GPC5: variants seen among roughly 807,000 people sequenced by gnomAD.
The protein encoded by GPC5 is glypican 5, also known as glypican-5.
Under a neutral mutation model 53.9 loss-of-function variants are expected in GPC5, and 47 were observed. The ratio of observed to expected loss-of-function variants is 0.87; its 90% confidence interval spans 0.69 to 1.11. GPC5 has a LOEUF of 1.11. Among genes scored for constraint, GPC5 ranks in the 50% most tolerant of loss-of-function variants. The pLI is 0.00. For synonymous variants in GPC5, 286 were observed against 263.3 expected (o/e 1.09, Z -0.84); for missense variants, 748 against 713.1 (o/e 1.05, Z -0.56).
chr13:92,473,969 A>G (rs1034434559), intron 7 of GPC5, among the ~76,000 whole-genome samples: 1 of 152,162 alleles, frequency 6.6e-6, no homozygotes, highest in Non-Finnish European at 1.5e-5. Flanking sequence ...TTGAAGCAAT[A>G]TCAGGAGATC....
chr13:92,523,043 T>C (rs9516087), intron 7 of GPC5, among the ~76,000 whole-genome samples: 86,818 of 151,930 alleles, frequency 0.57, 25,484 homozygotes, highest in East Asian at 0.75. Flanking sequence ...ATTACGACAA[T>C]AATTTGTGGC....
At chr13:92,173,100 C>A (rs965861641) in intron 7 of GPC5, among the ~76,000 whole-genome samples, 2 of 151,404 alleles carry the variant, frequency 1.3e-5, no homozygotes, top group African/African-American at 4.9e-5. Context: ...TAAGACCAGT[C>A]CAAAGGGGAA....
At chr13:92,542,001 G>T (rs1881945153) in intron 7 of GPC5, among the ~76,000 whole-genome samples, 1 of 151,524 alleles carries the variant, frequency 6.6e-6, no homozygotes. Flanking sequence ...CACCAGAAAG[G>T]GTCTGTTTTA....
intron 7 of GPC5, among the ~76,000 whole-genome samples, chr13:92,842,512 C>T (rs1318821980): frequency 6.6e-6 from 1 of 152,004 alleles, no homozygotes; most frequent in Non-Finnish European, 1.5e-5. Flanking sequence ...TCTCAGGTTA[C>T]TAGGCATACA....
chr13:91,574,920 C>T (rs559356187), intron 2 of GPC5, among the ~76,000 whole-genome samples: 2 of 152,210 alleles, frequency 1.3e-5, no homozygotes, highest in South Asian at 4.1e-4. Context: ...GTTTAAAATA[C>T]AGATGGCTAG....
chr13:91,511,704 C>A (rs1885237516), intron 2 of GPC5, among the ~76,000 whole-genome samples: 1 of 151,734 alleles, frequency 6.6e-6, no homozygotes, highest in African/African-American at 2.4e-5. Flanking sequence ...ATAGTATTTC[C>A]ATATGGTTTT....
At chr13:92,243,431 G>T (rs866219542) in intron 7 of GPC5, among the ~76,000 whole-genome samples, 1 of 152,258 alleles carries the variant, frequency 6.6e-6, no homozygotes, top group Middle Eastern at 3.4e-3. Context: ...CCAATTGGGA[G>T]CCTATTGCAA....
chr13:92,554,937 G>GTTTTTTTTTTTT (rs148890213), intron 7 of GPC5, among the ~76,000 whole-genome samples: 2 of 147,134 alleles, frequency 1.4e-5, no homozygotes, highest in Non-Finnish European at 1.5e-5. Context: ...TAAGTTTTGA[G>GTTTTTTTTTTTT]TTTGTTTTTT....
intron 5 of GPC5, among the ~76,000 whole-genome samples, chr13:91,860,100 A>C (rs7997028): frequency 0.19 from 28,774 of 152,002 alleles, 3,035 homozygotes; most frequent in East Asian, 0.31. Flanking sequence ...TAACTATTTG[A>C]AACTATATAA....
chr13:92,724,440 C>T (rs1888582808), intron 7 of GPC5, among the ~76,000 whole-genome samples: 1 of 151,562 alleles, frequency 6.6e-6, no homozygotes, highest in African/African-American at 2.4e-5. Context: ...ATACTGTGTT[C>T]CATAGCCTAT....
At chr13:92,554,480 A>C (rs541447153) in intron 7 of GPC5, among the ~76,000 whole-genome samples, 1 of 151,714 alleles carries the variant, frequency 6.6e-6, no homozygotes, top group African/African-American at 2.4e-5. Flanking sequence ...GTATAGATTT[A>C]ACCCAACAAG....
intron 6 of GPC5, among the ~76,000 whole-genome samples, chr13:92,124,302 C>G (rs894051605): frequency 6.7e-6 from 1 of 148,998 alleles, no homozygotes; most frequent in Non-Finnish European, 1.5e-5. Flanking sequence ...TCTTTGAGCT[C>G]CAACTAGGAA....
intron 7 of GPC5, among the ~76,000 whole-genome samples, chr13:92,737,470 G>C (rs921454018): frequency 6.6e-6 from 1 of 152,018 alleles, no homozygotes; most frequent in Non-Finnish European, 1.5e-5. Flanking sequence ...GCCTTAAATA[G>C]AATATCAGAT....
At chr13:92,590,826 C>T (rs1883689818) in intron 7 of GPC5, among the ~76,000 whole-genome samples, 1 of 152,080 alleles carries the variant, frequency 6.6e-6, no homozygotes, top group Admixed American at 6.6e-5. Flanking sequence ...TTAGATAAGC[C>T]CTTTTGAATA....
chr13:92,840,151 G>A (rs1201192505), intron 7 of GPC5, among the ~76,000 whole-genome samples: 1 of 126,992 alleles, frequency 7.9e-6, no homozygotes, highest in African/African-American at 3.1e-5. Flanking sequence ...TGTCTTTTTT[G>A]ACCGACATAT....
chr13:92,204,820 C>T (rs2042321232), intron 7 of GPC5, among the ~76,000 whole-genome samples: 1 of 152,168 alleles, frequency 6.6e-6, no homozygotes, highest in African/African-American at 2.4e-5. Flanking sequence ...GTTGTCAATC[C>T]AGGAAGCTCA....
chr13:91,400,599 G>C (rs1876863913), intron 1 of GPC5, among the ~76,000 whole-genome samples: 1 of 152,140 alleles, frequency 6.6e-6, no homozygotes, highest in Non-Finnish European at 1.5e-5. Flanking sequence ...TTGTGCGTGT[G>C]GGTGGTGAGG....
At chr13:92,724,964 A>G (rs1888603218) in intron 7 of GPC5, among the ~76,000 whole-genome samples, 1 of 151,098 alleles carries the variant, frequency 6.6e-6, no homozygotes, top group Non-Finnish European at 1.5e-5. Flanking sequence ...GGGCTGTGTC[A>G]CCAGTCAGAC....
intron 2 of GPC5, among the ~76,000 whole-genome samples, chr13:91,519,642 CT>C (rs1473994880): frequency 3.9e-5 from 6 of 152,128 alleles, no homozygotes; most frequent in African/African-American, 1.4e-4. Flanking sequence ...AATTAAACTT[CT>C]TTTGTTTATA....
Sources: gnomAD v4.1 joint callset for allele counts (sites outside exome capture counted in the v4.1 genomes callset) on GRCh38, gnomAD v4.1.1 for gene constraint, MANE v1.5 for transcripts, NCBI Gene and HGNC (gene_info 2026-07-23, HGNC 2026-07-21) for gene names.